The following CLVS1 variants were observed in gnomAD, a reference collection of about 807,000 sequenced individuals.
The protein encoded by CLVS1 is clavesin-1.
CLVS1 carries 10 observed loss-of-function variants against 33.1 expected under a neutral mutation model. That is an observed-to-expected ratio of 0.30 (90% CI 0.19 to 0.51). The LOEUF (loss-of-function observed/expected upper bound fraction) is 0.51, where lower values mean the gene tolerates loss of function less well. CLVS1 is among the 20% of genes least tolerant of loss of function. The pLI is 0.97. For synonymous variants in CLVS1, 163 were observed against 166.1 expected (o/e 0.98, Z 0.14); for missense variants, 343 against 433.4 (o/e 0.79, Z 1.85).
intron 2 of CLVS1, among the ~76,000 whole-genome samples, chr8:61,179,305 A>G (rs1214023493): frequency 6.6e-6 from 1 of 152,222 alleles, no homozygotes; most frequent in East Asian, 1.9e-4. Context: ...TCCTAAATAT[A>G]TATGCATCCA....
intron 2 of CLVS1, among the ~76,000 whole-genome samples, chr8:61,312,617 C>T (rs991458312): frequency 6.6e-6 from 1 of 152,190 alleles, no homozygotes; most frequent in Admixed American, 6.5e-5. Flanking sequence ...TAAATAACAG[C>T]AGTGCCTTTC....
chr8:61,184,572 A>T (rs557165898), intron 2 of CLVS1, among the ~76,000 whole-genome samples: 3 of 152,208 alleles, frequency 2.0e-5, no homozygotes, highest in Non-Finnish European at 2.9e-5. Flanking sequence ...CCTGTGGGGC[A>T]CTAGACTGTC....
chr8:61,412,763 G>C (rs1815281696), intron 3 of CLVS1, among the ~76,000 whole-genome samples: 1 of 152,222 alleles, frequency 6.6e-6, no homozygotes, highest in Admixed American at 6.5e-5. Flanking sequence ...GAGGTAGTGA[G>C]AAATTAGGCT....
chr8:61,209,109 C>A (rs1211076544), intron 2 of CLVS1, among the ~76,000 whole-genome samples: 2 of 152,160 alleles, frequency 1.3e-5, no homozygotes, highest in Non-Finnish European at 2.9e-5. Context: ...TAAATCTCTC[C>A]ATTGCTAAAA....
At chr8:61,331,811 CTCCTCCTCCTCT>C (rs1338399155) in intron 2 of CLVS1, among the ~76,000 whole-genome samples, 4 of 149,586 alleles carry the variant, frequency 2.7e-5, no homozygotes, top group Admixed American at 2.0e-4. Flanking sequence ...TCTTCTCCTC[CTCCTCCTCCTCT>C]TCCTCCTCCT....
chr8:61,193,291 G>C (rs1054758467), intron 2 of CLVS1, among the ~76,000 whole-genome samples: 1 of 152,042 alleles, frequency 6.6e-6, no homozygotes, highest in Non-Finnish European at 1.5e-5. Context: ...AACACCACAT[G>C]TTCTCACTCA....
chr8:61,311,008 AG>A (rs557694156), intron 2 of CLVS1, among the ~76,000 whole-genome samples: 48 of 152,328 alleles, frequency 3.2e-4, no homozygotes, highest in African/African-American at 1.2e-3. Flanking sequence ...GGACGAAATG[AG>A]GTACTAGAGA....
At chr8:61,192,361 A>G (rs74400569) in intron 2 of CLVS1, among the ~76,000 whole-genome samples, 78,552 of 152,018 alleles carry the variant, frequency 0.52, 21,039 homozygotes, top group Middle Eastern at 0.69. Context: ...CTTACACCTT[A>G]TACAAAAATT....
chr8:61,060,077 G>C (rs1804557670), intron 1 of CLVS1, among the ~76,000 whole-genome samples: 1 of 152,074 alleles, frequency 6.6e-6, no homozygotes, highest in South Asian at 2.1e-4. Context: ...ACTCACCTTT[G>C]GGCTGTAGCA....
At chr8:61,211,533 G>T (rs4079225) in intron 2 of CLVS1, among the ~76,000 whole-genome samples, 1 of 152,130 alleles carries the variant, frequency 6.6e-6, no homozygotes, top group Non-Finnish European at 1.5e-5. Context: ...GTGGGATGAA[G>T]GAAAAGATCC....
chr8:61,239,882 T>C (rs1808655540), intron 2 of CLVS1, among the ~76,000 whole-genome samples: 1 of 152,188 alleles, frequency 6.6e-6, no homozygotes, highest in Non-Finnish European at 1.5e-5. Flanking sequence ...TCTCCTTGTT[T>C]GGAAAATAAA....
chr8:60,998,426 C>T, the CLVS1 span, among the ~76,000 whole-genome samples: 1 of 152,040 alleles, frequency 6.6e-6, no homozygotes, highest in Admixed American at 6.6e-5. Flanking sequence ...GAAGTGTTTG[C>T]CCTGGTGGTG....
At chr8:61,348,730 A>G (rs1585838072) in intron 2 of CLVS1, among the ~76,000 whole-genome samples, 1 of 152,130 alleles carries the variant, frequency 6.6e-6, no homozygotes, top group Admixed American at 6.6e-5. Context: ...TCCTTTGACT[A>G]TATACCCAGA....
intron 5 of CLVS1, among the ~76,000 whole-genome samples, chr8:61,473,423 G>T (rs1817804802): frequency 6.6e-6 from 1 of 151,864 alleles, no homozygotes; most frequent in Non-Finnish European, 1.5e-5. Flanking sequence ...GATGCACAGG[G>T]GCCCACCGTG....
the CLVS1 span, among the ~76,000 whole-genome samples, chr8:60,969,394 C>T: frequency 2.0e-5 from 3 of 152,130 alleles, no homozygotes; most frequent in African/African-American, 4.8e-5. Flanking sequence ...ATGACTTAAC[C>T]CTTGCCTAGC....
intron 2 of CLVS1, among the ~76,000 whole-genome samples, chr8:61,278,570 T>C (rs1809607160): frequency 1.3e-5 from 2 of 152,226 alleles, no homozygotes; most frequent in South Asian, 4.1e-4. Flanking sequence ...TCTCTGCTAG[T>C]GTTAATAACA....
At chr8:61,463,183 C>T (rs530812173) in intron 5 of CLVS1, among the ~76,000 whole-genome samples, 32 of 152,306 alleles carry the variant, frequency 2.1e-4, no homozygotes, top group African/African-American at 7.5e-4. Flanking sequence ...TCTACAGCTT[C>T]CTCACCTCTC....
At chr8:61,238,897 T>C (rs1165316746) in intron 2 of CLVS1, among the ~76,000 whole-genome samples, 1 of 152,216 alleles carries the variant, frequency 6.6e-6, no homozygotes, top group African/African-American at 2.4e-5. Flanking sequence ...AGTAAACTCC[T>C]ACATGCTGAG....
chr8:61,290,329 T>C (rs958485963), intron 1 of CLVS1, among the ~76,000 whole-genome samples: 1 of 152,244 alleles, frequency 6.6e-6, no homozygotes, highest in Non-Finnish European at 1.5e-5. Context: ...TATCCTGGCT[T>C]CCTTACTTAA....
Sources: allele counts gnomAD v4.1 joint callset (sites outside exome capture counted in the v4.1 genomes callset), GRCh38; gene constraint gnomAD v4.1.1; transcripts MANE v1.5; gene names NCBI Gene and HGNC (gene_info 2026-07-23, HGNC 2026-07-21).